The following SLC9C2 variants were observed in gnomAD, a reference collection of about 807,000 sequenced individuals.
SLC9C2 encodes the protein sodium/hydrogen exchanger 11.
SLC9C2 carries 75 observed loss-of-function variants against 140.2 expected under a neutral mutation model. The observed-to-expected ratio is 0.53, with a 90% CI of 0.44 to 0.65. The LOEUF (loss-of-function observed/expected upper bound fraction) is 0.65. SLC9C2 is among the 30% of genes least tolerant of loss of function. SLC9C2 has a pLI of 0.00. For synonymous variants in SLC9C2, 375 were observed against 420.9 expected (o/e 0.89, Z 1.34); for missense variants, 1,074 against 1,331.8 (o/e 0.81, Z 3.01).
rs1252237494 is a variant in SLC9C2 at position 173,587,293 on chromosome 1, GGGA to G, written c.523+369_523+371del. ...GCAAGGCCTTGGAATAGTCTCTTTA[GGGA>G]TCTTTAATGTTTCCCCTTATTGGTA... On this transcript the variant is annotated intron_variant, in intron 5 of 27. Transcript: ENST00000367714. Among the ~76,000 whole-genome samples the G allele has an allele frequency of 2.6e-5, 4 of 152,242 alleles. No individual in the cohort carries two copies. In the East Asian group the frequency reaches 7.7e-4, roughly 29 times the overall value.
At chr1:173,598,322 G>A (rs1397204683) in intron 3 of SLC9C2, among the ~76,000 whole-genome samples, 1 of 152,112 alleles carries the variant, frequency 6.6e-6, no homozygotes, top group African/African-American at 2.4e-5. Context: ...CCTACTATTG[G>A]TGATATCAGA....
intron 26 of SLC9C2, 151 bp from the exon 27 acceptor site, chr1:173,503,477 A>G: frequency 1.4e-6 from 1 of 697,282 alleles, no homozygotes; most frequent in Non-Finnish European, 2.4e-6. Flanking sequence ...TTCTTCCCTC[A>G]GAGGTTCGTA....
chr1:173,582,118 G>T, intron 6 of SLC9C2, 110 bp from the exon 7 acceptor site: 1 of 768,426 alleles, frequency 1.3e-6, no homozygotes, highest in Non-Finnish European at 2.0e-6. Context: ...GAGATTTTGA[G>T]TGGACACCTT....
At chr1:173,545,769 TA>T (rs1444269472) in intron 13 of SLC9C2, among the ~76,000 whole-genome samples, 1 of 152,168 alleles carries the variant, frequency 6.6e-6, no homozygotes, top group Non-Finnish European at 1.5e-5. Flanking sequence ...TGTGGAACAG[TA>T]AATATGGCCA....
intron 13 of SLC9C2, among the ~76,000 whole-genome samples, chr1:173,544,488 TC>T (rs968473997): frequency 6.6e-6 from 1 of 152,086 alleles, no homozygotes; most frequent in Non-Finnish European, 1.5e-5. Flanking sequence ...TACCATTTGA[TC>T]CAGCCATCCC....
intron 23 of SLC9C2, among the ~76,000 whole-genome samples, chr1:173,516,849 T>C (rs1220632503): frequency 1.3e-5 from 2 of 152,220 alleles, no homozygotes; most frequent in African/African-American, 4.8e-5. Context: ...GATTGCTGGG[T>C]CAATGGTACT....
At chr1:173,553,163 C>T (rs576078403) in intron 11 of SLC9C2, among the ~76,000 whole-genome samples, 1 of 152,316 alleles carries the variant, frequency 6.6e-6, no homozygotes, top group South Asian at 2.1e-4. Context: ...GACTGAATTG[C>T]TGCAATCTCA....
chr1:173,524,710 CCTT>C, intron 20 of SLC9C2, 66 bp downstream of exon 20: 1 of 1,543,576 alleles, frequency 6.5e-7, no homozygotes, highest in Non-Finnish European at 8.8e-7. Context: ...CAATCTCCCT[CCTT>C]ATTACACACT....
chr1:173,583,977 G>C (rs1665704902), intron 5 of SLC9C2, among the ~76,000 whole-genome samples: 1 of 152,118 alleles, frequency 6.6e-6, no homozygotes. Flanking sequence ...GTACAAAATA[G>C]GACCCAGCAA....
chr1:173,525,449 A>T (rs979267810), intron 19 of SLC9C2, among the ~76,000 whole-genome samples: 1 of 152,230 alleles, frequency 6.6e-6, no homozygotes, highest in African/African-American at 2.4e-5. Flanking sequence ...TGCTTGCCAT[A>T]TCGAAGGTAC....
chr1:173,536,995 C>G lies in SLC9C2; in HGVS notation c.1602G>C (p.Glu534Asp). 6.2e-7 allele frequency: 1 copy of G among 1,613,756 alleles called. No homozygotes were observed. The highest frequency in any genetic ancestry group is 8.5e-7 in the Non-Finnish European group (1 of 1,179,824). ...KQRNNGILEIEAARILIGAAK... is the reference protein window; with the variant it reads ...KQRNNGILEIDAARILIGAAK... ...CTGCACCAATTAATATCCGGGCTGC[C>G]TCTATTTCAAGAATTCCATTGTTAC... The change falls in exon 14 of 28, where the codon GAG (glutamate) becomes GAC (aspartate). Residue 534 changes from glutamate to aspartate, a missense_variant. Coordinates refer to ENST00000367714, the MANE Select transcript of SLC9C2 (RefSeq NM_178527.4).
chr1:173,565,111 G>A (rs555943658), intron 9 of SLC9C2, among the ~76,000 whole-genome samples: 1 of 151,992 alleles, frequency 6.6e-6, no homozygotes, highest in Non-Finnish European at 1.5e-5. Context: ...GGGATTACAG[G>A]CATGCACCAC....
chr1:173,587,792 G>A lies in SLC9C2; in HGVS notation c.396C>T (p.Ser132=), dbSNP rs376055652. 4.3e-6 allele frequency: 7 copies of A among 1,612,920 alleles called. No homozygotes were observed. The highest frequency in any genetic ancestry group is 1.3e-5 in the African/African-American group (1 of 74,864). The change falls in exon 5 of 28, where the codon AGC becomes AGT. Residue 132 remains serine, a synonymous_variant. Transcript: ENST00000367714. ...LTGLISFSTA[S]IIIGYVVIKF... ...TTATAACGACATATCCAATTATGATGCTTGCTGTAGAAAAGCTAATTAATC... is the reference window on the plus strand; with the variant it reads ...TTATAACGACATATCCAATTATGATACTTGCTGTAGAAAAGCTAATTAATC...
intron 5 of SLC9C2, among the ~76,000 whole-genome samples, chr1:173,584,996 A>C (rs1178093062): frequency 6.6e-6 from 1 of 152,212 alleles, no homozygotes; most frequent in Non-Finnish European, 1.5e-5. Flanking sequence ...AGAATAAAAC[A>C]AATCTTCTAT....
intron 13 of SLC9C2, among the ~76,000 whole-genome samples, chr1:173,537,805 G>T (rs1187294799): frequency 6.6e-6 from 1 of 152,086 alleles, no homozygotes; most frequent in Non-Finnish European, 1.5e-5. Context: ...AGGCTGTATT[G>T]TTGTGTCAAT....
At chr1:173,525,272 C>T (rs574333173) in intron 19 of SLC9C2, among the ~76,000 whole-genome samples, 316 of 152,116 alleles carry the variant, frequency 2.1e-3, no homozygotes, top group Non-Finnish European at 3.3e-3. Flanking sequence ...GTTGGTTAGA[C>T]GAATAAATGA....
chr1:173,533,223 C>T (rs1661711160), intron 17 of SLC9C2, among the ~76,000 whole-genome samples: 1 of 152,088 alleles, frequency 6.6e-6, no homozygotes, highest in Non-Finnish European at 1.5e-5. Context: ...TCACTTAACA[C>T]ACAATGTAAA....
intron 19 of SLC9C2, among the ~76,000 whole-genome samples, chr1:173,525,151 T>C (rs1391221051): frequency 2.6e-5 from 4 of 152,194 alleles, no homozygotes; most frequent in African/African-American, 9.7e-5. Flanking sequence ...AAAATCACTC[T>C]CTCTCTCTTA....
At chr1:173,505,383 C>T (rs1466416476) in intron 25 of SLC9C2, 52 bp from the exon 26 acceptor site, 1 of 1,355,730 alleles carries the variant, frequency 7.4e-7, no homozygotes, top group Non-Finnish European at 1.1e-6. Flanking sequence ...GATCTCTAAC[C>T]TGGCTGCTTC....
Sources: allele counts gnomAD v4.1 joint callset (sites outside exome capture counted in the v4.1 genomes callset), GRCh38; gene constraint gnomAD v4.1.1; transcripts MANE v1.5; gene names NCBI Gene and HGNC (gene_info 2026-07-23, HGNC 2026-07-21).